The following CSMD3 variants were observed in gnomAD, a reference collection of about 807,000 sequenced individuals.
The protein encoded by CSMD3 is CUB and Sushi multiple domains 3.
Under a neutral mutation model 435.2 loss-of-function variants are expected in CSMD3, and 177 were observed. That is an observed-to-expected ratio of 0.41 (90% CI 0.36 to 0.46). The LOEUF (loss-of-function observed/expected upper bound fraction) is 0.46. Among genes scored for constraint, CSMD3 ranks in the 20% least tolerant of loss-of-function variants. The pLI, the probability that CSMD3 is intolerant of heterozygous loss-of-function variation, is 0.34. For synonymous variants in CSMD3, 1,656 were observed against 1,520.5 expected (o/e 1.09, Z -2.07); for missense variants, 4,265 against 4,504.6 (o/e 0.95, Z 1.52).
intron 2 of CSMD3, chr8:113,311,442 C>A (rs1171971341): frequency 6.6e-6 from 1 of 151,676 alleles, no homozygotes; most frequent in Non-Finnish European, 1.5e-5. Context: ...TACATTATTG[C>A]AAGACAAGTG....
intron 38 of CSMD3, among the ~76,000 whole-genome samples, chr8:112,358,968 A>T (rs908929885): frequency 1.3e-5 from 2 of 152,248 alleles, no homozygotes; most frequent in Non-Finnish European, 2.9e-5. Flanking sequence ...AACTAAAAAC[A>T]TAGTAAAAGT....
chr8:113,257,182 G>A (rs1019051918), intron 3 of CSMD3, among the ~76,000 whole-genome samples: 4 of 152,186 alleles, frequency 2.6e-5, no homozygotes, highest in Non-Finnish European at 4.4e-5. Flanking sequence ...GCCGAGGCGG[G>A]CGGATCACGT....
intron 5 of CSMD3, among the ~76,000 whole-genome samples, chr8:113,026,197 T>A (rs1371444006): frequency 6.6e-6 from 1 of 152,180 alleles, no homozygotes; most frequent in East Asian, 1.9e-4. Flanking sequence ...CGGGGACTGC[T>A]GGTGGCCTCC....
At chr8:112,345,385 C>T (rs919048550) in intron 41 of CSMD3, among the ~76,000 whole-genome samples, 9 of 152,002 alleles carry the variant, frequency 5.9e-5, no homozygotes, top group Admixed American at 3.9e-4. Context: ...AGTATACATA[C>T]ACAATGAAAC....
chr8:112,658,497 C>G (rs1321610574), intron 17 of CSMD3, among the ~76,000 whole-genome samples: 1 of 152,112 alleles, frequency 6.6e-6, no homozygotes, highest in East Asian at 1.9e-4. Context: ...CAACTGCCTC[C>G]TATTAATCAG....
At chr8:112,602,179 G>A (rs1175355106) in intron 22 of CSMD3, among the ~76,000 whole-genome samples, 1 of 152,186 alleles carries the variant, frequency 6.6e-6, no homozygotes, top group African/African-American at 2.4e-5. Flanking sequence ...ATGATCCAAT[G>A]TTATAGCAAA....
chr8:112,373,797 T>C (rs1357035671), intron 38 of CSMD3, among the ~76,000 whole-genome samples: 1 of 152,132 alleles, frequency 6.6e-6, no homozygotes, highest in African/African-American at 2.4e-5. Context: ...CGGGCGGGAA[T>C]CGATGTGGTG....
intron 1 of CSMD3, among the ~76,000 whole-genome samples, chr8:113,320,866 C>T (rs1373464709): frequency 6.6e-6 from 1 of 152,090 alleles, no homozygotes; most frequent in African/African-American, 2.4e-5. Context: ...AGAGGCATAT[C>T]TTCATTTATC....
intron 13 of CSMD3, among the ~76,000 whole-genome samples, chr8:112,733,609 T>C (rs749180620): frequency 4.0e-5 from 6 of 151,688 alleles, no homozygotes; most frequent in African/African-American, 7.3e-5. Flanking sequence ...GTAACTGATA[T>C]TGATGTAATA....
chr8:112,899,390 T>G (rs2082037886), intron 10 of CSMD3, among the ~76,000 whole-genome samples: 1 of 150,264 alleles, frequency 6.7e-6, no homozygotes, highest in Admixed American at 6.7e-5. Flanking sequence ...ATAATCAGAT[T>G]GGCCTAAAAT....
chr8:112,982,358 A>G (rs149981421), intron 6 of CSMD3, among the ~76,000 whole-genome samples: 236 of 152,072 alleles, frequency 1.6e-3, no homozygotes, highest in African/African-American at 5.6e-3. Flanking sequence ...TCATGGCATC[A>G]TTGTTACATT....
At chr8:112,295,329 G>C (rs1246975366) in intron 54 of CSMD3, among the ~76,000 whole-genome samples, 1 of 151,962 alleles carries the variant, frequency 6.6e-6, no homozygotes, top group Non-Finnish European at 1.5e-5. Flanking sequence ...TGAGAGCAAA[G>C]GTTCTTCATG....
chr8:112,266,432 C>G (rs556523549), intron 59 of CSMD3, among the ~76,000 whole-genome samples: 1 of 152,306 alleles, frequency 6.6e-6, no homozygotes, highest in Non-Finnish European at 1.5e-5. Flanking sequence ...GGCAACAAGG[C>G]AGACTGCACA....
At chr8:113,324,851 G>T (rs1296538149) in intron 1 of CSMD3, among the ~76,000 whole-genome samples, 1 of 152,180 alleles carries the variant, frequency 6.6e-6, no homozygotes, top group Non-Finnish European at 1.5e-5. Flanking sequence ...CACAGGGGTG[G>T]AGCTGCCCAA....
chr8:112,970,643 C>T (rs1364000181), intron 7 of CSMD3, among the ~76,000 whole-genome samples: 2 of 151,554 alleles, frequency 1.3e-5, no homozygotes, highest in African/African-American at 4.8e-5. Context: ...GCCTAAATAC[C>T]CACTCAAACC....
chr8:113,045,060 G>A (rs1219275259), intron 5 of CSMD3, among the ~76,000 whole-genome samples: 2 of 148,530 alleles, frequency 1.3e-5, no homozygotes, highest in Non-Finnish European at 3.0e-5. Context: ...TATGTGCAAC[G>A]ATCTAAAAAT....
intron 13 of CSMD3, among the ~76,000 whole-genome samples, chr8:112,757,954 G>T (rs1416845332): frequency 6.6e-6 from 1 of 152,094 alleles, no homozygotes; most frequent in African/African-American, 2.4e-5. Context: ...TACTCAGGGG[G>T]CTGAGGCAAG....
At position 113,025,992 on chromosome 8, in the gene CSMD3, G is replaced by A. The variant is rs549574041; in HGVS notation, c.918-6813C>T. Among the ~76,000 whole-genome samples the A allele has an allele frequency of 5.5e-4, 84 of 152,268 alleles. 1 individual carries two copies. The South Asian group carries it at 0.016, about 28-fold the overall frequency. ...GGCTCCCATAATAGGATGCACTACAGCTATGGGTCTGGTACCATCAAGATA... is the reference window on the plus strand; with the variant it reads ...GGCTCCCATAATAGGATGCACTACAACTATGGGTCTGGTACCATCAAGATA... On this transcript the variant is annotated intron_variant, in intron 5 of 70. Coordinates refer to ENST00000297405, the MANE Select transcript of CSMD3 (RefSeq NM_198123.2).
intron 56 of CSMD3, among the ~76,000 whole-genome samples, chr8:112,290,016 TGAA>T (rs1406628808): frequency 2.0e-5 from 3 of 152,102 alleles, no homozygotes; most frequent in Non-Finnish European, 4.4e-5. Context: ...AGAGATTCAA[TGAA>T]GATTGATCTG....
Sources: allele counts gnomAD v4.1 joint callset (sites outside exome capture counted in the v4.1 genomes callset), GRCh38; gene constraint gnomAD v4.1.1; transcripts MANE v1.5; gene names NCBI Gene and HGNC (gene_info 2026-07-23, HGNC 2026-07-21).